PTPRZ1: variants seen among roughly 807,000 people sequenced by gnomAD.
PTPRZ1 encodes the protein receptor-type tyrosine-protein phosphatase zeta.
PTPRZ1 carries 82 observed loss-of-function variants against 214.1 expected under a neutral mutation model. That is an observed-to-expected ratio of 0.38 (90% CI 0.32 to 0.46). The LOEUF (loss-of-function observed/expected upper bound fraction) is 0.46, where lower values mean the gene tolerates loss of function less well. Ranked by LOEUF, PTPRZ1 falls within the 20% of genes least tolerant of loss-of-function variation. PTPRZ1 has a pLI of 1.00. For missense variants in PTPRZ1, 2,603 were observed against 2,748.7 expected (o/e 0.95, Z 1.19); for synonymous variants, 945 against 987.9 (o/e 0.96, Z 0.81).
intron 11 of PTPRZ1, among the ~76,000 whole-genome samples, chr7:122,007,096 A>C (rs1041265255): frequency 1.3e-5 from 2 of 152,124 alleles, no homozygotes; most frequent in Non-Finnish European, 2.9e-5. Flanking sequence ...TGTGGAAAGC[A>C]AAATGAGAAT....
chr7:121,874,065 C>CACACACACA (rs1554421850), intron 1 of PTPRZ1, among the ~76,000 whole-genome samples: 1 of 151,312 alleles, frequency 6.6e-6, no homozygotes, highest in African/African-American at 2.4e-5. Flanking sequence ...CACACACACA[C>CACACACACA]CTGAAAGGTA....
chr7:122,040,885 G>A lies in PTPRZ1; in HGVS notation c.5707G>A (p.Gly1903Arg), dbSNP rs1799708673. 6.2e-7 allele frequency: 1 copy of A among 1,607,018 alleles called. No individual in the cohort carries two copies. Among genetic ancestry groups the A allele is most frequent in the Non-Finnish European group, 8.5e-7 (1 of 1,174,960 alleles). Reference protein sequence around the residue: ...QYHYTQWPDMGVPEYSLPVLT... With the variant: ...QYHYTQWPDMRVPEYSLPVLT... Reference sequence around the variant, plus strand: ...TCACTACACGCAGTGGCCTGACATGGGAGTACCAGAGTACTCCCTGCCAGT... The same window carrying A: ...TCACTACACGCAGTGGCCTGACATGAGAGTACCAGAGTACTCCCTGCCAGT... Residue 1903 changes from glycine (G) to arginine (R), a missense_variant, in exon 21 of 30, where the codon GGA becomes AGA. Coordinates refer to ENST00000393386, the MANE Select transcript of PTPRZ1 (RefSeq NM_002851.3).
At chr7:121,938,664 G>C (rs1022440703) in intron 2 of PTPRZ1, among the ~76,000 whole-genome samples, 2 of 151,882 alleles carry the variant, frequency 1.3e-5, no homozygotes, top group African/African-American at 4.8e-5. Context: ...GCTTTCAAAA[G>C]GATTGATATA....
intron 23 of PTPRZ1, among the ~76,000 whole-genome samples, chr7:122,049,966 T>G (rs1206358): frequency 4.6e-5 from 7 of 152,062 alleles, no homozygotes; most frequent in Middle Eastern, 3.4e-3. Flanking sequence ...TGTGGTAGAG[T>G]TAACATTACG....
intron 6 of PTPRZ1, among the ~76,000 whole-genome samples, chr7:121,982,198 G>T (rs1047442436): frequency 2.6e-5 from 4 of 152,184 alleles, no homozygotes; most frequent in African/African-American, 9.6e-5. Context: ...TAGATCAAAT[G>T]ATCATATTTT....
chr7:121,883,761 G>C (rs1794310167), intron 1 of PTPRZ1, among the ~76,000 whole-genome samples: 1 of 152,098 alleles, frequency 6.6e-6, no homozygotes, highest in Non-Finnish European at 1.5e-5. Context: ...CAAGTATCTG[G>C]GATTACAGGC....
At chr7:121,985,628 C>T (rs557484950) in intron 8 of PTPRZ1, among the ~76,000 whole-genome samples, 2 of 152,302 alleles carry the variant, frequency 1.3e-5, no homozygotes, top group South Asian at 4.1e-4. Context: ...ATTTCCCTGC[C>T]TCCTCATTCT....
intron 1 of PTPRZ1, among the ~76,000 whole-genome samples, chr7:121,873,907 T>C (rs1793967519): frequency 6.6e-6 from 1 of 152,150 alleles, no homozygotes; most frequent in African/African-American, 2.4e-5. Flanking sequence ...TAGATATACA[T>C]AGGAAGATAA....
chr7:122,058,857 A>G lies in PTPRZ1; in HGVS notation c.6586A>G (p.Ser2196Gly). ...FQCPKWPNPDSPISKTFELIS... is the reference protein window; with the variant it reads ...FQCPKWPNPDGPISKTFELIS... Reference sequence around the variant, plus strand: ...GTGTCCTAAATGGCCAAATCCAGATAGCCCCATTAGTAAAACTTTTGAACT... The same window carrying G: ...GTGTCCTAAATGGCCAAATCCAGATGGCCCCATTAGTAAAACTTTTGAACT... Residue 2196 changes from serine to glycine, a missense_variant, in exon 28 of 30, where the codon AGC becomes GGC. This residue lies in a region of PTPRZ1 where 165 missense variants were observed against 151.4 expected (regional missense o/e 1.09). Coordinates refer to ENST00000393386, the MANE Select transcript of PTPRZ1 (RefSeq NM_002851.3). The G allele has an allele frequency of 6.3e-7, 1 of 1,597,190 alleles. No individual in the cohort carries two copies. The highest frequency in any genetic ancestry group is 1.7e-5 in the Admixed American group (1 of 59,952).
chr7:122,006,752 G>C (rs1488278235), intron 11 of PTPRZ1, among the ~76,000 whole-genome samples: 1 of 151,996 alleles, frequency 6.6e-6, no homozygotes, highest in South Asian at 2.1e-4. Context: ...ATCAGCCCAG[G>C]TCTCAACAGG....
At chr7:121,952,121 G>A (rs1796563965) in intron 2 of PTPRZ1, among the ~76,000 whole-genome samples, 1 of 151,968 alleles carries the variant, frequency 6.6e-6, no homozygotes, top group Admixed American at 6.6e-5. Flanking sequence ...ACCATGCCTG[G>A]CTAATCTTTT....
At chr7:121,873,862 T>C (rs1018776268) in intron 1 of PTPRZ1, among the ~76,000 whole-genome samples, 2 of 152,178 alleles carry the variant, frequency 1.3e-5, no homozygotes, top group African/African-American at 4.8e-5. Context: ...CCACCGTTCT[T>C]CTCTCCTCTT....
chr7:121,889,122 T>TA (rs1251936883), intron 1 of PTPRZ1, among the ~76,000 whole-genome samples: 33 of 113,904 alleles, frequency 2.9e-4, no homozygotes, highest in East Asian at 1.2e-3. Context: ...CTTTATTTTT[T>TA]AAAAAAAGTA....
chr7:122,031,431 C>T, intron 14 of PTPRZ1, 43 bp from the exon 15 acceptor site: 1 of 1,397,134 alleles, frequency 7.2e-7, no homozygotes, highest in Non-Finnish European at 1.0e-6. Context: ...ACGTTTATTT[C>T]TGTTAAATTA....
rs1201505244 is a variant in PTPRZ1, at chr7:121,926,249, G to A, written c.59-1907G>A. Among the ~76,000 whole-genome samples, 3 of 148,634 alleles carry A rather than the reference G, an allele frequency of 2.0e-5. No individual in the cohort carries two copies. In the Admixed American group the frequency reaches 2.0e-4, roughly 10 times the overall value. On this transcript the variant is annotated intron_variant, in intron 1 of 29. Coordinates refer to ENST00000393386, the MANE Select transcript of PTPRZ1 (RefSeq NM_002851.3). ...GAACCGGAGAGGTGGAGGTTGCAGT[G>A]AGCTGAGATCATGCCATTGCACTCC...
chr7:122,012,828 C>T lies in PTPRZ1; in HGVS notation c.3782C>T (p.Thr1261Ile), dbSNP rs151034033. The T allele has an allele frequency of 7.4e-6, 12 of 1,612,930 alleles. No homozygotes were observed. In the East Asian group the frequency reaches 2.7e-4, roughly 36 times the overall value. ...CACTCTGCTTCACTTCAAGGTTTGACCATTTCCTATGCAAGTGAGAAATAT... is the reference window on the plus strand; with the variant it reads ...CACTCTGCTTCACTTCAAGGTTTGATCATTTCCTATGCAAGTGAGAAATAT... ...HMHSASLQGLTISYASEKYEP... is the reference protein window; with the variant it reads ...HMHSASLQGLIISYASEKYEP... The change falls in exon 12 of 30, where the codon ACC becomes ATC. Residue 1261 changes from threonine (T) to isoleucine (I), a missense_variant. Thr to Ile is a moderately conservative substitution (Grantham distance 89). This residue lies in a region of PTPRZ1 where 1,913 missense variants were observed against 1,914.3 expected (regional missense o/e 1.00). Coordinates refer to ENST00000393386, the MANE Select transcript of PTPRZ1 (RefSeq NM_002851.3).
At chr7:121,990,972 C>A (rs1797944268) in intron 8 of PTPRZ1, among the ~76,000 whole-genome samples, 1 of 152,224 alleles carries the variant, frequency 6.6e-6, no homozygotes, top group Non-Finnish European at 1.5e-5. Context: ...TACCACCTTA[C>A]AAGGTTTTTC....
chr7:122,046,999 G>A (rs770285516), intron 23 of PTPRZ1, among the ~76,000 whole-genome samples: 25 of 152,208 alleles, frequency 1.6e-4, no homozygotes, highest in Non-Finnish European at 2.9e-5. Context: ...AAGGAAAGGG[G>A]GGAAAGTGGC....
chr7:121,896,992 G>A (rs1426850911), intron 1 of PTPRZ1, among the ~76,000 whole-genome samples: 3 of 151,900 alleles, frequency 2.0e-5, no homozygotes, highest in Non-Finnish European at 4.4e-5. Flanking sequence ...ATTGTCAGTG[G>A]GTGTATTTGA....
Sources: allele counts gnomAD v4.1 joint callset (sites outside exome capture counted in the v4.1 genomes callset), GRCh38; gene constraint gnomAD v4.1.1; regional missense constraint gnomAD v4.1.1; transcripts MANE v1.5; gene names NCBI Gene and HGNC (gene_info 2026-07-23, HGNC 2026-07-21).